REDIC1: variants seen among roughly 807,000 people sequenced by gnomAD.
REDIC1 encodes the protein regulator of DNA class I crossover intermediates 1.
At chr12:39,701,108 G>T in the REDIC1 span, among the ~76,000 whole-genome samples, 1 of 13,766 alleles carries the variant, frequency 7.3e-5, no homozygotes, top group East Asian at 1.4e-3. Flanking sequence ...AATGTAAATG[G>T]ACTAAATGCT....
the REDIC1 span, chr12:39,864,772 T>C: frequency 3.1e-6 from 5 of 1,613,996 alleles, no homozygotes; most frequent in Non-Finnish European, 4.2e-6. Context: ...CTGTATCTTG[T>C]GCAAGTGGCG....
chr12:39,807,316 C>T, the REDIC1 span, among the ~76,000 whole-genome samples: 9 of 152,102 alleles, frequency 5.9e-5, no homozygotes, highest in African/African-American at 2.2e-4. Flanking sequence ...CATATGATAA[C>T]ACTGTATAAA....
At chr12:39,818,019 T>C in the REDIC1 span, among the ~76,000 whole-genome samples, 1 of 152,220 alleles carries the variant, frequency 6.6e-6, no homozygotes, top group Non-Finnish European at 1.5e-5. Flanking sequence ...TATCTCTTTA[T>C]GGTAACACTT....
chr12:39,637,676 T>G, the REDIC1 span, among the ~76,000 whole-genome samples: 1 of 152,110 alleles, frequency 6.6e-6, no homozygotes, highest in Non-Finnish European at 1.5e-5. Flanking sequence ...ATTATGACAG[T>G]TGACTACATA....
chr12:39,750,219 GTC>G, the REDIC1 span, among the ~76,000 whole-genome samples: 1 of 152,304 alleles, frequency 6.6e-6, no homozygotes, highest in East Asian at 1.9e-4. Context: ...CTTCAGCAAA[GTC>G]TCAGGATACA....
At chr12:39,760,393 C>A in the REDIC1 span, 1 of 653,352 alleles carries the variant, frequency 1.5e-6, no homozygotes, top group East Asian at 2.7e-5. Flanking sequence ...TTACTATGAA[C>A]CTGGTTTACT....
At chr12:39,675,258 G>A in the REDIC1 span, among the ~76,000 whole-genome samples, 1 of 152,178 alleles carries the variant, frequency 6.6e-6, no homozygotes, top group Admixed American at 6.5e-5. Flanking sequence ...CACAGTGGCT[G>A]CAGCAAGCAC....
chr12:39,862,650 A>C, the REDIC1 span, among the ~76,000 whole-genome samples: 1 of 152,196 alleles, frequency 6.6e-6, no homozygotes, highest in Non-Finnish European at 1.5e-5. Context: ...ATCTTAAGGT[A>C]TTATGTGATT....
the REDIC1 span, among the ~76,000 whole-genome samples, chr12:39,875,157 G>A: frequency 5.6e-4 from 86 of 152,268 alleles, no homozygotes; most frequent in African/African-American, 2.0e-3. Context: ...TGTAGGTCAC[G>A]AATCTGACAA....
the REDIC1 span, among the ~76,000 whole-genome samples, chr12:39,795,325 TTTAAAC>T: frequency 1.3e-5 from 2 of 152,168 alleles, no homozygotes; most frequent in African/African-American, 4.8e-5. Context: ...TCTACACAGT[TTTAAAC>T]TTAATTTATC....
chr12:39,876,181 A>G, the REDIC1 span, among the ~76,000 whole-genome samples: 1 of 152,220 alleles, frequency 6.6e-6, no homozygotes, highest in Non-Finnish European at 1.5e-5. Context: ...ATTTAAGAAC[A>G]GCCAAGGCCG....
chr12:39,772,166 G>T, the REDIC1 span, among the ~76,000 whole-genome samples: 10 of 152,086 alleles, frequency 6.6e-5, no homozygotes, highest in Non-Finnish European at 2.9e-5. Context: ...TCATCCCAGG[G>T]AGTACAGCAT....
the REDIC1 span, among the ~76,000 whole-genome samples, chr12:39,695,496 T>A: frequency 6.6e-6 from 1 of 152,108 alleles, no homozygotes; most frequent in African/African-American, 2.4e-5. Context: ...GTGATGGCCA[T>A]GGGGTGAGGT....
chr12:39,812,808 G>A, the REDIC1 span, among the ~76,000 whole-genome samples: 7 of 149,168 alleles, frequency 4.7e-5, no homozygotes, highest in Non-Finnish European at 7.4e-5. Context: ...GGGGGTGGGG[G>A]GACAAACATT....
At chr12:39,667,585 G>A in the REDIC1 span, among the ~76,000 whole-genome samples, 1 of 152,146 alleles carries the variant, frequency 6.6e-6, no homozygotes, top group Admixed American at 6.5e-5. Context: ...TGTTAGGTCT[G>A]CTTGGTGCAG....
chr12:39,751,947 A>T, the REDIC1 span, among the ~76,000 whole-genome samples: 1 of 152,296 alleles, frequency 6.6e-6, no homozygotes, highest in Non-Finnish European at 1.5e-5. Flanking sequence ...GATATACCTA[A>T]CGTAAATGAT....
At chr12:39,793,771 C>A in the REDIC1 span, among the ~76,000 whole-genome samples, 1 of 152,120 alleles carries the variant, frequency 6.6e-6, no homozygotes, top group South Asian at 2.1e-4. Flanking sequence ...AGGAATCCCT[C>A]CCATGAAATG....
chr12:39,884,518 A>G, the REDIC1 span, among the ~76,000 whole-genome samples: 1 of 152,208 alleles, frequency 6.6e-6, no homozygotes, highest in Non-Finnish European at 1.5e-5. Context: ...TAAGTACATC[A>G]TGGCCAAATG....
the REDIC1 span, chr12:39,754,988 A>T: frequency 6.6e-6 from 1 of 152,130 alleles, no homozygotes; most frequent in Admixed American, 6.6e-5. Flanking sequence ...TCCAAGGAAG[A>T]TAACTAGAAA....
Sources: allele counts gnomAD v4.1 joint callset (sites outside exome capture counted in the v4.1 genomes callset), GRCh38; gene constraint gnomAD v4.1.1; transcripts MANE v1.5; gene names NCBI Gene and HGNC (gene_info 2026-07-23, HGNC 2026-07-21).